Variants in CSPG4 observed in about 807,000 individuals in gnomAD.
The protein encoded by CSPG4 is chondroitin sulfate proteoglycan 4 (melanoma-associated).
In CSPG4, 74 loss-of-function variants were observed where a neutral mutation model predicts 139.3. That is an observed-to-expected ratio of 0.53 (90% CI 0.44 to 0.64). The LOEUF is 0.64. Among genes scored for constraint, CSPG4 ranks in the 30% least tolerant of loss-of-function variants. CSPG4 has a pLI of 0.00. For synonymous variants in CSPG4, 1,234 were observed against 1,394.2 expected (o/e 0.89, Z 2.56); for missense variants, 2,565 against 3,148.3 (o/e 0.81, Z 4.43).
At position 75,690,046 on chromosome 15, in the gene CSPG4, A is replaced by G. The variant is rs779285600; in HGVS notation, c.1019T>C (p.Leu340Pro). Residue 340 changes from leucine (L) to proline (P), a missense_variant, in exon 3 of 10, where the codon CTG becomes CCG. Leu to Pro is a moderately conservative substitution (Grantham distance 98). Transcript: ENST00000308508. ...EASRHLQEHR[L>P]GLTPEATNAS... Reference sequence around the variant, plus strand: ...ATTGGTGGCCTCTGGTGTCAGGCCCAGGCGGTGTTCCTGGAGGTGACGAGA... The same window carrying G: ...ATTGGTGGCCTCTGGTGTCAGGCCCGGGCGGTGTTCCTGGAGGTGACGAGA... 1.2e-6 allele frequency: 2 copies of G among 1,611,778 alleles called. No individual in the cohort carries two copies. Among genetic ancestry groups the G allele is most frequent in the Non-Finnish European group, 1.7e-6 (2 of 1,179,536 alleles).
intron 1 of CSPG4, among the ~76,000 whole-genome samples, chr15:75,693,875 G>A (rs765712610): frequency 2.0e-5 from 3 of 152,206 alleles, no homozygotes; most frequent in Non-Finnish European, 4.4e-5. Context: ...ATTGAGCGTC[G>A]GGGCAGGAGC....
At chr15:75,678,836 C>T (rs559553965) in intron 8 of CSPG4, 61 of 455,540 alleles carry the variant, frequency 1.3e-4, no homozygotes, top group South Asian at 9.3e-5. Flanking sequence ...CAGAGGCCTC[C>T]GTGTTGTTGG....
chr15:75,702,647 A>G (rs1396865485), intron 1 of CSPG4, among the ~76,000 whole-genome samples: 1 of 152,094 alleles, frequency 6.6e-6, no homozygotes, highest in Non-Finnish European at 1.5e-5. Context: ...TGCCCTCCAG[A>G]GCCCCAGGGC....
chr15:75,700,590 G>T (rs1343605793), intron 1 of CSPG4, among the ~76,000 whole-genome samples: 1 of 152,186 alleles, frequency 6.6e-6, no homozygotes, highest in Non-Finnish European at 1.5e-5. Context: ...GAGAGACAGG[G>T]GTCTGGGTGG....
intron 1 of CSPG4, among the ~76,000 whole-genome samples, chr15:75,701,610 G>A (rs1008100074): frequency 1.3e-5 from 2 of 152,056 alleles, no homozygotes; most frequent in Non-Finnish European, 2.9e-5. Flanking sequence ...TGTGCCCACC[G>A]CCACCACACT....
At chr15:75,685,756 G>T (rs1311128915) in intron 3 of CSPG4, 55 bp from the exon 4 acceptor site, 6 of 1,522,852 alleles carry the variant, frequency 3.9e-6, no homozygotes, top group African/African-American at 1.4e-5. Context: ...GGTCTCAGAG[G>T]GGTCCACTGT....
At chr15:75,685,963 T>C (rs551305142) in intron 3 of CSPG4, among the ~76,000 whole-genome samples, 2 of 152,160 alleles carry the variant, frequency 1.3e-5, no homozygotes, top group South Asian at 2.1e-4. Flanking sequence ...TCACAGTTCC[T>C]TGAAGCCTCA....
In CSPG4 at chr15:75,698,888, C is replaced by T. The variant is rs1347866128; in HGVS notation, c.89-5655G>A. On this transcript the variant is annotated intron_variant, in intron 1 of 9. Coordinates refer to ENST00000308508, the MANE Select transcript of CSPG4 (RefSeq NM_001897.5). This position sits in a 1 kb window ranked among gnomAD's most constrained non-coding sequence, Gnocchi z 4.3. ...AGACTTAAGGTCAGACTAAGGGGAG[C>T]GACCTGCCCAGTGATGACACTGGGG... Among the ~76,000 whole-genome samples, 2 of 152,122 alleles carry T rather than the reference C, an allele frequency of 1.3e-5. No individual in the cohort carries two copies. The highest frequency in any genetic ancestry group is 2.9e-5 in the Non-Finnish European group (2 of 68,014).
At chr15:75,677,437 G>T in intron 9 of CSPG4, 53 bp from the exon 10 acceptor site, 1 of 1,397,450 alleles carries the variant, frequency 7.2e-7, no homozygotes, top group Non-Finnish European at 9.3e-7. Flanking sequence ...GGAGAGTGAT[G>T]GACCCTCAGC....
intron 1 of CSPG4, among the ~76,000 whole-genome samples, chr15:75,700,972 T>A (rs551685092): frequency 1.4e-4 from 22 of 152,254 alleles, no homozygotes; most frequent in African/African-American, 5.1e-4. Context: ...GAAGCCTGGG[T>A]CAGGGCTCAC....
chr15:75,708,979 C>T (rs1041715659), intron 1 of CSPG4, among the ~76,000 whole-genome samples: 4 of 152,070 alleles, frequency 2.6e-5, no homozygotes, highest in Non-Finnish European at 4.4e-5. Context: ...TGTTTCCTGA[C>T]CTGCAGGGCT....
chr15:75,688,633 A>C lies in CSPG4; in HGVS notation c.2432T>G (p.Leu811Arg), dbSNP rs1894102668. Residue 811 changes from leucine to arginine, a missense_variant, in exon 3 of 10, where the codon CTG (leucine) becomes CGG (arginine). Coordinates refer to ENST00000308508, the MANE Select transcript of CSPG4 (RefSeq NM_001897.5). ...TGGGGGGCTTGGGCCTGCCTCCTCC[A>C]GGGTGGCCTCCAGGTGGGCTGTGGT... ...TLTTAHLEAT[L>R]EEAGPSPPTF... The C allele has an allele frequency of 6.2e-7, 1 of 1,612,544 alleles. No homozygotes were observed. Among genetic ancestry groups the C allele is most frequent in the Admixed American group, 1.7e-5 (1 of 59,988 alleles).
chr15:75,710,818 C>T (rs886502537), intron 1 of CSPG4, among the ~76,000 whole-genome samples: 32 of 152,098 alleles, frequency 2.1e-4, no homozygotes, highest in African/African-American at 6.0e-4. Context: ...GGTTGCTGGA[C>T]GGGAGCTCTC....
rs746983658 is a variant in CSPG4, at chr15:75,676,525, C to T, written c.5994G>A (p.Ser1998=). 15 of 1,613,598 alleles carry T rather than the reference C, an allele frequency of 9.3e-6. No homozygotes were observed. The highest frequency in any genetic ancestry group is 1.3e-5 in the Non-Finnish European group (15 of 1,179,980). ...GHLLVGGRPT[S]AFSQFQIDQG... ...GGTCTATCTGGAATTGGCTGAAGGC[C>T]GAGGTGGGCCGCCCGCCCACCAGGA... The change falls in exon 10 of 10, where the codon TCG becomes TCA. Residue 1998 remains serine, a synonymous_variant. Transcript: ENST00000308508.
At position 75,677,781 on chromosome 15, in the gene CSPG4, C is replaced by G; in HGVS notation, c.5056G>C (p.Val1686Leu). 6.2e-7 allele frequency: 1 copy of G among 1,611,128 alleles called. No individual in the cohort carries two copies. Among genetic ancestry groups the G allele is most frequent in the Non-Finnish European group, 8.5e-7 (1 of 1,178,856 alleles). Residue 1686 changes from valine to leucine, a missense_variant, in exon 9 of 10, where the codon GTG (valine) becomes CTG (leucine). By Grantham distance (32) the Val-to-Leu change is conservative. Coordinates refer to ENST00000308508, the MANE Select transcript of CSPG4 (RefSeq NM_001897.5). ...ACAGCCACAGCAAGGGTGGCGGCCA[C>G]GTCCCGGGCAGGCGGCGAGGACAGC... ...LQLSSPPARD[V>L]AATLAVAVSF...
Position 75,677,895 on chromosome 15 carries a change from G to A in CSPG4, c.4951-9C>T. On this transcript the variant is annotated splice_polypyrimidine_tract_variant and intron_variant, in intron 8 of 9. Coordinates refer to ENST00000308508, the MANE Select transcript of CSPG4 (RefSeq NM_001897.5). ...ATATTCCCAGCGTAGACCTAGGGGA[G>A]ACACCATCGTGGGGTGAGAGGCAGG... The A allele has an allele frequency of 1.3e-6, 2 of 1,594,548 alleles. No individual in the cohort carries two copies. Among genetic ancestry groups the A allele is most frequent in the Non-Finnish European group, 1.7e-6 (2 of 1,171,014 alleles).
chr15:75,678,584 G>C, intron 8 of CSPG4: 2 of 452,976 alleles, frequency 4.4e-6, no homozygotes. Context: ...GAACTTCTGG[G>C]CTCAAGCGGT....
intron 1 of CSPG4, among the ~76,000 whole-genome samples, chr15:75,710,332 A>C (rs1894432412): frequency 6.6e-6 from 1 of 152,058 alleles, no homozygotes; most frequent in South Asian, 2.1e-4. Context: ...GTATCAGCTC[A>C]AATCCAATCT....
rs557811676 is a variant in CSPG4, at chr15:75,692,731, G to C, written c.252+339C>G. On this transcript the variant is annotated intron_variant, in intron 2 of 9. Coordinates refer to ENST00000308508, the MANE Select transcript of CSPG4 (RefSeq NM_001897.5). ...CTGGAGTTAGGCATGTGCAGGGAAC[G>C]GGAGAGGCGCACACCTGGCAGAAGG... Among the ~76,000 whole-genome samples the C allele has an allele frequency of 2.6e-5, 4 of 152,334 alleles. No individual in the cohort carries two copies. In the East Asian group the frequency reaches 5.8e-4, roughly 22 times the overall value.
Sources: allele counts gnomAD v4.1 joint callset (sites outside exome capture counted in the v4.1 genomes callset), GRCh38; gene constraint gnomAD v4.1.1; non-coding constraint Gnocchi (gnomAD v3.1); transcripts MANE v1.5; gene names NCBI Gene and HGNC (gene_info 2026-07-23, HGNC 2026-07-21).